SCFD2: variants seen among roughly 807,000 people sequenced by gnomAD.
SCFD2 encodes sec1 family domain-containing protein 2.
A neutral mutation model predicts 58.9 loss-of-function variants in SCFD2; 54 were observed. That is an observed-to-expected ratio of 0.92 (90% CI 0.74 to 1.15). The LOEUF (loss-of-function observed/expected upper bound fraction) is 1.15, where lower values mean the gene tolerates loss of function less well. SCFD2 is among the 50% of genes most tolerant of loss of function. The pLI, the probability that SCFD2 is intolerant of heterozygous loss-of-function variation, is 0.00. For synonymous variants in SCFD2, 321 were observed against 335.9 expected, an observed-to-expected ratio of 0.96 and a Z score of 0.49; for missense variants, 805 against 836.6, an observed-to-expected ratio of 0.96 and a Z score of 0.47.
At chr4:53,355,547 A>T (rs890161157) in intron 1 of SCFD2, among the ~76,000 whole-genome samples, 6 of 152,100 alleles carry the variant, frequency 3.9e-5, no homozygotes, top group African/African-American at 1.4e-4. Flanking sequence ...TATATTGAGG[A>T]TCTACCTCAA....
chr4:52,877,855 C>T (rs762733702), intron 8 of SCFD2, among the ~76,000 whole-genome samples: 3 of 152,318 alleles, frequency 2.0e-5, no homozygotes, highest in African/African-American at 2.4e-5. Context: ...CCAGCCCTCC[C>T]GGAGAGCATC....
At chr4:53,302,699 T>C (rs1732355807) in intron 3 of SCFD2, among the ~76,000 whole-genome samples, 1 of 152,168 alleles carries the variant, frequency 6.6e-6, no homozygotes, top group African/African-American at 2.4e-5. Context: ...GACTTCGAAC[T>C]ATACTACAAG....
At chr4:52,875,734 GT>G (rs1269045264) in intron 8 of SCFD2, among the ~76,000 whole-genome samples, 1 of 145,022 alleles carries the variant, frequency 6.9e-6, no homozygotes, top group Non-Finnish European at 1.5e-5. Context: ...TTATGAGAAA[GT>G]TTTCTGTTTA....
intron 4 of SCFD2, among the ~76,000 whole-genome samples, chr4:53,190,877 G>C (rs1358617038): frequency 1.4e-5 from 2 of 146,810 alleles, no homozygotes; most frequent in African/African-American, 5.5e-5. Context: ...TAAAACTAGA[G>C]AATTCCTATA....
intron 5 of SCFD2, among the ~76,000 whole-genome samples, chr4:53,110,849 AG>A (rs1185380910): frequency 2.6e-5 from 4 of 152,248 alleles, no homozygotes; most frequent in African/African-American, 9.6e-5. Context: ...ATATACCCAA[AG>A]GATGATAAAT....
At chr4:53,009,981 C>T (rs980230140) in intron 5 of SCFD2, among the ~76,000 whole-genome samples, 1 of 152,162 alleles carries the variant, frequency 6.6e-6, no homozygotes, top group African/African-American at 2.4e-5. Flanking sequence ...CTTTCTCGGG[C>T]TGCACTGAGA....
intron 1 of SCFD2, 123 bp downstream of exon 1, chr4:53,364,981 C>G: frequency 8.6e-7 from 1 of 1,162,302 alleles, no homozygotes; most frequent in Non-Finnish European, 1.2e-6. Flanking sequence ...CCGTGTCCAT[C>G]TAGTTCATCT....
intron 2 of SCFD2, among the ~76,000 whole-genome samples, chr4:53,324,472 G>A (rs978988897): frequency 6.7e-6 from 1 of 149,496 alleles, no homozygotes; most frequent in Non-Finnish European, 1.5e-5. Context: ...AGAAATGACT[G>A]TCAAAAAGGA....
chr4:52,894,019 C>T (rs1718942577), intron 7 of SCFD2, among the ~76,000 whole-genome samples: 1 of 152,130 alleles, frequency 6.6e-6, no homozygotes, highest in Non-Finnish European at 1.5e-5. Context: ...ACCCCCTCAC[C>T]ACCAGCAGCT....
At chr4:53,342,404 C>G (rs1235036720) in intron 2 of SCFD2, among the ~76,000 whole-genome samples, 1 of 152,184 alleles carries the variant, frequency 6.6e-6, no homozygotes, top group Non-Finnish European at 1.5e-5. Context: ...ACAAGAAGAG[C>G]TAACTATCCT....
chr4:53,300,564 C>T (rs983111413), intron 3 of SCFD2, among the ~76,000 whole-genome samples: 13 of 152,084 alleles, frequency 8.5e-5, no homozygotes, highest in East Asian at 7.7e-4. Context: ...AACAAGGATA[C>T]CCAGGAATTG....
At chr4:53,020,438 G>C (rs1722318564) in intron 5 of SCFD2, among the ~76,000 whole-genome samples, 1 of 152,092 alleles carries the variant, frequency 6.6e-6, no homozygotes, top group Non-Finnish European at 1.5e-5. Flanking sequence ...AGCCTCAAAA[G>C]GACAAAGATA....
At chr4:53,247,483 T>A (rs1730127841) in intron 4 of SCFD2, among the ~76,000 whole-genome samples, 1 of 152,168 alleles carries the variant, frequency 6.6e-6, no homozygotes, top group Non-Finnish European at 1.5e-5. Context: ...AGACATGGAA[T>A]CAATCCAAAT....
intron 3 of SCFD2, among the ~76,000 whole-genome samples, chr4:53,300,073 G>A (rs1421733991): frequency 6.6e-6 from 1 of 152,142 alleles, no homozygotes; most frequent in Non-Finnish European, 1.5e-5. Context: ...ACATCATAAT[G>A]ACAGGATCAA....
chr4:52,893,844 T>C (rs1181429833), intron 7 of SCFD2, among the ~76,000 whole-genome samples: 1 of 152,202 alleles, frequency 6.6e-6, no homozygotes, highest in Non-Finnish European at 1.5e-5. Context: ...AACTGCCTGG[T>C]TTCCTGATGG....
chr4:53,296,447 G>A lies in SCFD2; in HGVS notation c.1135+17189C>T, dbSNP rs887475811. 7.2e-5 allele frequency among the ~76,000 whole-genome samples: 11 copies of A among 152,128 alleles called. 1 individual carries two copies. Among genetic ancestry groups the A allele is most frequent in the African/African-American group, 1.2e-4 (5 of 41,418 alleles). On this transcript the variant is annotated intron_variant, in intron 3 of 8. Coordinates refer to ENST00000401642, the MANE Select transcript of SCFD2 (RefSeq NM_152540.4). ...CATAGAGGTGTTTATAGTATTCTCC[G>A]ATGGTAGATTGTATGTCTGTGGGAT...
Position 52,970,555 on chromosome 4 carries a change from G to T in SCFD2, c.1562-49685C>A, listed in dbSNP as rs570847711. On this transcript the variant is annotated intron_variant, in intron 5 of 8. Transcript: ENST00000401642. ...TGGGTAAAGCCCACTGAAGCTCAAG[G>T]AGGCCTGCCTGCCTCTGTAGACTCC... Among the ~76,000 whole-genome samples the T allele has an allele frequency of 3.3e-5, 5 of 152,324 alleles. No homozygotes were observed. The East Asian group carries it at 9.7e-4, about 29-fold the overall frequency.
intron 5 of SCFD2, among the ~76,000 whole-genome samples, chr4:52,967,048 G>T (rs1342875620): frequency 6.6e-6 from 1 of 152,172 alleles, no homozygotes; most frequent in African/African-American, 2.4e-5. Context: ...TTTACTTTCT[G>T]TCTCTATGAA....
At chr4:52,927,128 G>A (rs1156802016) in intron 5 of SCFD2, among the ~76,000 whole-genome samples, 3 of 152,122 alleles carry the variant, frequency 2.0e-5, no homozygotes, top group Non-Finnish European at 4.4e-5. Flanking sequence ...ACTGATGTGT[G>A]ATTGGAAAAG....
Sources: allele counts gnomAD v4.1 joint callset (sites outside exome capture counted in the v4.1 genomes callset), GRCh38; gene constraint gnomAD v4.1.1; transcripts MANE v1.5; gene names NCBI Gene and HGNC (gene_info 2026-07-23, HGNC 2026-07-21).